The following TNPO3 variants were observed in gnomAD, a reference collection of about 807,000 sequenced individuals.
TNPO3 encodes transportin-3.
A neutral mutation model predicts 122.8 loss-of-function variants in TNPO3; 65 were observed. The observed-to-expected ratio is 0.53, with a 90% CI of 0.43 to 0.65. The LOEUF (loss-of-function observed/expected upper bound fraction) is 0.65, where lower values mean the gene tolerates loss of function less well. TNPO3 is among the 30% of genes least tolerant of loss of function. The probability of loss-of-function intolerance (pLI) is 0.00; values close to 1 mark genes in which losing one functional copy is unlikely to be tolerated. For synonymous variants in TNPO3, 372 were observed against 411.2 expected (o/e 0.90, Z 1.15); for missense variants, 850 against 1,136.7 (o/e 0.75, Z 3.63).
chr7:128,992,234 CT>C (rs1026278925), intron 9 of TNPO3, 144 bp from the exon 10 acceptor site: 79 of 473,282 alleles, frequency 1.7e-4, no homozygotes, highest in African/African-American at 7.1e-4. Flanking sequence ...ATATTATTTT[CT>C]TTTTTTTATA....
At chr7:128,967,732 G>A (rs1218191886) in intron 20 of TNPO3, among the ~76,000 whole-genome samples, 3 of 150,232 alleles carry the variant, frequency 2.0e-5, no homozygotes, top group South Asian at 2.1e-4. Context: ...GCACACATGC[G>A]AACATGAACA....
At chr7:128,970,520 TGAAG>T (rs1193363926) in intron 19 of TNPO3, among the ~76,000 whole-genome samples, 1 of 151,904 alleles carries the variant, frequency 6.6e-6, no homozygotes, top group Non-Finnish European at 1.5e-5. Flanking sequence ...AGAAAGAAAA[TGAAG>T]GAGTTTATTA....
chr7:129,031,003 G>GC (rs751960866), intron 1 of TNPO3, among the ~76,000 whole-genome samples: 1 of 152,210 alleles, frequency 6.6e-6, no homozygotes, highest in Non-Finnish European at 1.5e-5. Flanking sequence ...ATAAGAGAGA[G>GC]CCGGGTGCAG....
Position 128,999,515 on chromosome 7 carries a change from T to A in TNPO3, c.1011+914A>T, listed in dbSNP as rs537533445. Among the ~76,000 whole-genome samples the A allele has an allele frequency of 2.4e-4, 36 of 152,164 alleles. 1 individual carries two copies. Among genetic ancestry groups the A allele is most frequent in the African/African-American group, 8.7e-4 (36 of 41,518 alleles). ...CCGAGAGTCACAGGACCACTGTGCC[T>A]AAGGCACAGTAAGAGGATCCCTACC... is the stretch of plus-strand genomic sequence containing the variant. On this transcript the variant is annotated intron_variant, in intron 7 of 22. Transcript: ENST00000265388.
intron 2 of TNPO3, 27 bp from the exon 3 acceptor site, chr7:129,017,083 A>C: frequency 6.3e-7 from 1 of 1,587,396 alleles, no homozygotes; most frequent in Non-Finnish European, 8.6e-7. Context: ...AAATAAATGA[A>C]GACAGATGAA....
At chr7:128,987,194 G>C (rs1800252865) in intron 11 of TNPO3, among the ~76,000 whole-genome samples, 1 of 152,150 alleles carries the variant, frequency 6.6e-6, no homozygotes, top group African/African-American at 2.4e-5. Flanking sequence ...AGAGCAGTTT[G>C]TAAACCACTG....
chr7:128,977,832 G>A (rs183985269), intron 16 of TNPO3, among the ~76,000 whole-genome samples: 1,559 of 152,092 alleles, frequency 0.01, 12 homozygotes, highest in South Asian at 0.018. Context: ...TCCTGACCTC[G>A]TGATCCACCC....
chr7:128,971,392 C>G (rs1245374942), intron 19 of TNPO3, among the ~76,000 whole-genome samples: 1 of 152,172 alleles, frequency 6.6e-6, no homozygotes, highest in Non-Finnish European at 1.5e-5. Context: ...GTGATCTGCA[C>G]GCCTTGGCCT....
intron 1 of TNPO3, among the ~76,000 whole-genome samples, chr7:129,054,075 G>T (rs550356616): frequency 1.2e-4 from 19 of 152,312 alleles, no homozygotes; most frequent in African/African-American, 3.6e-4. Context: ...TCTGAAAGCA[G>T]AATTACTGTT....
At chr7:128,986,953 C>G in intron 11 of TNPO3, 33 bp from the exon 12 acceptor site, 1 of 1,547,812 alleles carries the variant, frequency 6.5e-7, no homozygotes, top group South Asian at 1.2e-5. Context: ...GATTACATAT[C>G]TGAAACTAAA....
chr7:129,009,736 C>T (rs1802976687), intron 4 of TNPO3, among the ~76,000 whole-genome samples: 1 of 152,192 alleles, frequency 6.6e-6, no homozygotes, highest in Non-Finnish European at 1.5e-5. Flanking sequence ...TAACTCTCAC[C>T]TCAGGCCACA....
intron 17 of TNPO3, 25 bp from the exon 18 acceptor site, chr7:128,974,987 A>C (rs1354901001): frequency 1.3e-6 from 2 of 1,593,630 alleles, no homozygotes; most frequent in Non-Finnish European, 1.7e-6. Flanking sequence ...TGATTTTAAA[A>C]GAAATGCTTT....
At chr7:129,054,538 C>T in intron 1 of TNPO3, 113 bp downstream of exon 1, 2 of 1,494,934 alleles carry the variant, frequency 1.3e-6, no homozygotes, top group Non-Finnish European at 8.9e-7. Flanking sequence ...ACAGCAGCTC[C>T]TCCCCAAGGA....
intron 5 of TNPO3, among the ~76,000 whole-genome samples, chr7:129,003,771 C>T (rs1802269023): frequency 6.6e-6 from 1 of 152,168 alleles, no homozygotes; most frequent in Non-Finnish European, 1.5e-5. Flanking sequence ...GATAAACACT[C>T]TTACTAGTGA....
intron 19 of TNPO3, 92 bp from the exon 20 acceptor site, chr7:128,970,407 T>A: frequency 7.7e-7 from 1 of 1,298,682 alleles, no homozygotes; most frequent in Non-Finnish European, 1.1e-6. Context: ...TTCTCTTTAA[T>A]AGGAAAGTGT....
In TNPO3 at chr7:128,990,010, T is replaced by C. The variant is rs150392942; in HGVS notation, c.1449A>G (p.Glu483=). 8.1e-6 allele frequency: 13 copies of C among 1,614,182 alleles called. No individual in the cohort carries two copies. The highest frequency in any genetic ancestry group is 1.7e-4 in the Middle Eastern group (1 of 6,060). The change falls in exon 11 of 23, where the codon GAA becomes GAG. Residue 483 remains glutamate, a synonymous_variant. Transcript: ENST00000265388. ...CGACTTCACTCATCTCTCCAACCAA[T>C]TCAATGCTGGTGTATCGCACAGCCG... ...VHTAVRYTSI[E]LVGEMSEVVD...
At chr7:129,045,214 C>T (rs1166975577) in intron 1 of TNPO3, among the ~76,000 whole-genome samples, 1 of 152,088 alleles carries the variant, frequency 6.6e-6, no homozygotes, top group Non-Finnish European at 1.5e-5. Flanking sequence ...AGCAAATGGG[C>T]ACCTATTTTG....
Position 129,046,195 on chromosome 7 carries a change from CAA to C in TNPO3, c.120+8454_120+8455del, listed in dbSNP as rs5887409. On this transcript the variant is annotated intron_variant, in intron 1 of 22. Coordinates refer to ENST00000265388, the MANE Select transcript of TNPO3 (RefSeq NM_012470.4). The stretch of plus-strand genomic sequence containing the variant: ...TGAGTGACAGAGTGAGACTCCGTCT[CAA>C]AAAAAAAAAAAAAAAAAAAAGAAAC... Among the ~76,000 whole-genome samples, 466 of 79,282 alleles carry C rather than the reference CAA, an allele frequency of 5.9e-3. 1 individual carries two copies. Among genetic ancestry groups the C allele is most frequent in the South Asian group, 0.01 (20 of 1,970 alleles). The allele number at this position is 79,282 out of a possible 152,430, so 52.0% of individuals were successfully genotyped here.
intron 16 of TNPO3, among the ~76,000 whole-genome samples, chr7:128,978,734 C>G (rs1249550650): frequency 6.6e-6 from 1 of 152,054 alleles, no homozygotes; most frequent in Non-Finnish European, 1.5e-5. Flanking sequence ...TGGGTTCAAG[C>G]GATTCTCCTG....
Sources: allele counts gnomAD v4.1 joint callset (sites outside exome capture counted in the v4.1 genomes callset), GRCh38; gene constraint gnomAD v4.1.1; transcripts MANE v1.5; gene names NCBI Gene and HGNC (gene_info 2026-07-23, HGNC 2026-07-21).